TIAM1: variants seen among roughly 807,000 people sequenced by gnomAD.
TIAM1 encodes rho guanine nucleotide exchange factor TIAM1.
Under a neutral mutation model 163.5 loss-of-function variants are expected in TIAM1, and 65 were observed. That is an observed-to-expected ratio of 0.40 (90% CI 0.33 to 0.49). The LOEUF (loss-of-function observed/expected upper bound fraction) is 0.49, where lower values mean the gene tolerates loss of function less well. TIAM1 is among the 20% of genes least tolerant of loss of function. The pLI is 0.77. For missense variants in TIAM1, 1,789 were observed against 2,044.7 expected, an observed-to-expected ratio of 0.87 and a Z score of 2.41; for synonymous variants, 833 against 810.1, an observed-to-expected ratio of 1.03 and a Z score of -0.48.
chr21:31,409,206 G>A (rs1438604968), intron 2 of TIAM1, among the ~76,000 whole-genome samples: 13 of 151,804 alleles, frequency 8.6e-5, no homozygotes, highest in Non-Finnish European at 4.4e-5. Flanking sequence ...CACCTCCTGG[G>A]TTCAAGGATT....
At position 31,459,883 on chromosome 21, in the gene TIAM1, G is replaced by A. The variant is rs76553179; in HGVS notation, c.-369+4100C>T. Among the ~76,000 whole-genome samples, 621 of 152,276 alleles carry A rather than the reference G, an allele frequency of 4.1e-3. 5 individuals are homozygous for A. Among genetic ancestry groups the A allele is most frequent in the African/African-American group, 0.014 (579 of 41,566 alleles). ...AGTCTTCAAAGAGCCAACTGGAGCC[G>A]GATGGTGCATGGGAAAAACGGAGGC... On this transcript the variant is annotated intron_variant, in intron 2 of 28. Transcript: ENST00000286827.
intron 2 of TIAM1, chr21:31,452,443 A>T: frequency 2.4e-6 from 1 of 423,224 alleles, no homozygotes; most frequent in South Asian, 2.7e-5. Context: ...AACAACAACA[A>T]CAAAAGAAAG....
intron 1 of TIAM1, among the ~76,000 whole-genome samples, chr21:31,478,991 GA>G (rs1438532889): frequency 6.6e-6 from 1 of 152,190 alleles, no homozygotes; most frequent in East Asian, 1.9e-4. Flanking sequence ...TATGCACTAG[GA>G]AAAGAATGTG....
intron 2 of TIAM1, among the ~76,000 whole-genome samples, chr21:31,398,312 C>T (rs2077107955): frequency 6.6e-6 from 1 of 152,068 alleles, no homozygotes; most frequent in African/African-American, 2.4e-5. Flanking sequence ...CTTTTTATGC[C>T]ATCCTTCTGA....
rs774554391 is a variant in TIAM1, at chr21:31,130,201, G to T, written c.4045+12C>A. On this transcript the variant is annotated intron_variant, in intron 25 of 27. Coordinates refer to ENST00000541036, the MANE Select transcript of TIAM1 (RefSeq NM_001353694.2). Reference sequence around the variant, plus strand: ...TATGTGTGTGAAATACCCAGCACAGGTGAGAGTTTACCTGCACTCGCCAAA... The same window carrying T: ...TATGTGTGTGAAATACCCAGCACAGTTGAGAGTTTACCTGCACTCGCCAAA... 241 of 1,611,566 alleles carry T rather than the reference G, an allele frequency of 1.5e-4. No homozygotes were observed. Among genetic ancestry groups the T allele is most frequent in the Non-Finnish European group, 2.0e-4 (231 of 1,177,970 alleles).
At chr21:31,181,091 AAAT>A (rs1331330326) in intron 15 of TIAM1, among the ~76,000 whole-genome samples, 2 of 152,248 alleles carry the variant, frequency 1.3e-5, no homozygotes, top group Non-Finnish European at 2.9e-5. Flanking sequence ...TGAAAAGAGA[AAAT>A]AATGACAAAA....
At chr21:31,340,516 T>C (rs2075981282) in intron 1 of TIAM1, among the ~76,000 whole-genome samples, 1 of 152,084 alleles carries the variant, frequency 6.6e-6, no homozygotes, top group Non-Finnish European at 1.5e-5. Flanking sequence ...TATCTTCACG[T>C]TTAATTCTTT....
At chr21:31,410,814 G>C (rs896423752) in intron 2 of TIAM1, among the ~76,000 whole-genome samples, 1 of 152,030 alleles carries the variant, frequency 6.6e-6, no homozygotes, top group Non-Finnish European at 1.5e-5. Flanking sequence ...TCCAGTCAAC[G>C]TGAGTCCTCC....
At chr21:31,170,792 C>T (rs1420625671) in intron 15 of TIAM1, among the ~76,000 whole-genome samples, 1 of 151,974 alleles carries the variant, frequency 6.6e-6, no homozygotes, top group Non-Finnish European at 1.5e-5. Flanking sequence ...AATCCCAGCA[C>T]TTTGGGAGGC....
chr21:31,147,787 A>T (rs1191585408), intron 19 of TIAM1, among the ~76,000 whole-genome samples: 10 of 139,854 alleles, frequency 7.2e-5, no homozygotes, highest in Non-Finnish European at 1.4e-4. Context: ...ATTATATTAA[A>T]ATATATATAT....
At chr21:31,482,789 C>G (rs973690156) in intron 1 of TIAM1, among the ~76,000 whole-genome samples, 3 of 152,164 alleles carry the variant, frequency 2.0e-5, no homozygotes, top group Non-Finnish European at 2.9e-5. Context: ...TCAAGGCCAA[C>G]GTAACACTGA....
intron 23 of TIAM1, among the ~76,000 whole-genome samples, chr21:31,132,060 G>T (rs943308353): frequency 1.3e-5 from 2 of 152,158 alleles, no homozygotes; most frequent in African/African-American, 4.8e-5. Flanking sequence ...TGACCCCAAG[G>T]AATAGCCCAG....
chr21:31,425,795 C>G (rs2043773460), intron 2 of TIAM1, among the ~76,000 whole-genome samples: 1 of 151,984 alleles, frequency 6.6e-6, no homozygotes, highest in Non-Finnish European at 1.5e-5. Flanking sequence ...CTCGCAGGTT[C>G]AAGCAATTCT....
At chr21:31,512,828 G>T (rs2047258587) in intron 1 of TIAM1, among the ~76,000 whole-genome samples, 1 of 151,652 alleles carries the variant, frequency 6.6e-6, no homozygotes, top group Non-Finnish European at 1.5e-5. Context: ...ATTTTTGGTA[G>T]AGACGGGATT....
intron 1 of TIAM1, among the ~76,000 whole-genome samples, chr21:31,524,204 C>T (rs1265031168): frequency 6.6e-6 from 1 of 152,116 alleles, no homozygotes; most frequent in Non-Finnish European, 1.5e-5. Flanking sequence ...GCTCATGGTT[C>T]TGCAGATTGT....
At chr21:31,241,485 A>G (rs1439843088) in intron 6 of TIAM1, among the ~76,000 whole-genome samples, 1 of 152,220 alleles carries the variant, frequency 6.6e-6, no homozygotes, top group African/African-American at 2.4e-5. Context: ...TGACTACTAA[A>G]CTAGCTGAGC....
At chr21:31,552,566 G>A (rs2048729098) in intron 1 of TIAM1, among the ~76,000 whole-genome samples, 1 of 152,080 alleles carries the variant, frequency 6.6e-6, no homozygotes, top group Admixed American at 6.6e-5. Context: ...CTGAGGTCAG[G>A]AGTTCGAGAC....
In TIAM1 at chr21:31,119,133, C is replaced by CTA; in HGVS notation, c.*1233_*1234dup. The CTA allele has an allele frequency of 6.6e-6, 1 of 151,808 alleles. No individual in the cohort carries two copies. The highest frequency in any genetic ancestry group is 2.4e-5 in the African/African-American group (1 of 40,904). The allele number at this position is 151,808 out of a possible 1,614,324, so 9.4% of individuals were successfully genotyped here. A position where few individuals can be genotyped will look rare whatever the true frequency, so the allele number is the denominator to read the frequency against. ...AAAAAAAAAAAAAAAATTGAAAGTG[C>CTA]TATAACTTGTTTTTCTTCTTAGTAT... is the stretch of plus-strand genomic sequence containing the variant. On this transcript the variant is annotated 3_prime_UTR_variant, in exon 28 of 28. Transcript: ENST00000541036.
intron 2 of TIAM1, among the ~76,000 whole-genome samples, chr21:31,462,268 A>C (rs1350886022): frequency 6.6e-6 from 1 of 152,202 alleles, no homozygotes; most frequent in Non-Finnish European, 1.5e-5. Context: ...TGTTCCAAAT[A>C]AAACTTTATT....
Sources: allele counts gnomAD v4.1 joint callset (sites outside exome capture counted in the v4.1 genomes callset), GRCh38; gene constraint gnomAD v4.1.1; transcripts MANE v1.5; gene names NCBI Gene and HGNC (gene_info 2026-07-23, HGNC 2026-07-21).